The following ITGB8 variants were observed in gnomAD, a reference collection of about 807,000 sequenced individuals.
ITGB8 encodes integrin beta-8.
ITGB8 carries 30 observed loss-of-function variants against 89.5 expected under a neutral mutation model. That is an observed-to-expected ratio of 0.34 (90% confidence interval 0.25 to 0.45). The LOEUF (loss-of-function observed/expected upper bound fraction) is 0.45. Among genes scored for constraint, ITGB8 ranks in the 20% least tolerant of loss-of-function variants. The probability of loss-of-function intolerance (pLI) is 1.00; values close to 1 mark genes in which losing one functional copy is unlikely to be tolerated. For synonymous variants in ITGB8, 335 were observed against 320.4 expected (o/e 1.05, Z -0.49); for missense variants, 836 against 933.3 (o/e 0.90, Z 1.36).
Position 20,363,586 on chromosome 7 carries a change from T to C in ITGB8, c.128-51T>C, listed in dbSNP as rs781266022. The C allele has an allele frequency of 6.3e-6, 7 of 1,108,968 alleles. No homozygotes were observed. The East Asian group carries it at 7.4e-5, about 12-fold the overall frequency. 68.7% of individuals were successfully genotyped at this position (1,108,968 alleles called of 1,614,324 possible). A position where few individuals can be genotyped will look rare whatever the true frequency, so the allele number is the denominator to read the frequency against. On this transcript the variant is annotated intron_variant, in intron 1 of 13. Coordinates refer to ENST00000222573, the MANE Select transcript of ITGB8 (RefSeq NM_002214.3). ...TGTTTCATTTTAGTCTAGAATTATA[T>C]ACGCTTTCTATTTTGAGAGTAAATT...
upstream of ITGB8, among the ~76,000 whole-genome samples, chr7:20,330,167 G>C (rs1784326125): frequency 1.3e-5 from 2 of 152,354 alleles, no homozygotes; most frequent in Admixed American, 6.5e-5. Context: ...TTTGAGCAGA[G>C]AAGGAGCAGC....
intron 9 of ITGB8, among the ~76,000 whole-genome samples, chr7:20,399,281 G>A (rs186973106): frequency 6.6e-5 from 10 of 152,084 alleles, no homozygotes; most frequent in Admixed American, 3.3e-4. Context: ...CGTCATGACC[G>A]GTATAAATTA....
At chr7:20,339,528 G>A (rs1364977363) in intron 1 of ITGB8, among the ~76,000 whole-genome samples, 1 of 152,060 alleles carries the variant, frequency 6.6e-6, no homozygotes, top group Non-Finnish European at 1.5e-5. Context: ...ATCAATTCTT[G>A]CTAGGAAACT....
intron 1 of ITGB8, among the ~76,000 whole-genome samples, chr7:20,348,773 T>C (rs1785012853): frequency 6.6e-6 from 1 of 152,136 alleles, no homozygotes; most frequent in African/African-American, 2.4e-5. Flanking sequence ...TTGATAAGTG[T>C]TGCAAGATGG....
At chr7:20,394,070 A>G (rs1786973338) in intron 7 of ITGB8, among the ~76,000 whole-genome samples, 1 of 152,240 alleles carries the variant, frequency 6.6e-6, no homozygotes, top group African/African-American at 2.4e-5. Context: ...TGAATTTTTA[A>G]AATCTATAAA....
chr7:20,387,195 T>C (rs904061689), intron 6 of ITGB8, among the ~76,000 whole-genome samples: 15 of 152,204 alleles, frequency 9.9e-5, no homozygotes, highest in African/African-American at 1.9e-4. Flanking sequence ...GAAATGTAGA[T>C]ATTGCTTTAC....
intron 3 of ITGB8, among the ~76,000 whole-genome samples, chr7:20,375,551 T>G (rs1209007063): frequency 1.3e-5 from 2 of 152,210 alleles, no homozygotes; most frequent in Non-Finnish European, 2.9e-5. Context: ...TCACCAGAAT[T>G]TTGTTTTCTG....
At chr7:20,344,613 A>G (rs542831994) in intron 1 of ITGB8, among the ~76,000 whole-genome samples, 11 of 152,350 alleles carry the variant, frequency 7.2e-5, no homozygotes, top group Admixed American at 5.9e-4. Flanking sequence ...GTAGGAAACA[A>G]TAGTGCTTTG....
chr7:20,342,765 A>G (rs1784806091), intron 1 of ITGB8, among the ~76,000 whole-genome samples: 1 of 152,148 alleles, frequency 6.6e-6, no homozygotes, highest in Non-Finnish European at 1.5e-5. Flanking sequence ...CAAAGGAATC[A>G]ATGGTCACAG....
intron 3 of ITGB8, among the ~76,000 whole-genome samples, chr7:20,372,597 G>A (rs1785979381): frequency 6.6e-6 from 1 of 152,164 alleles, no homozygotes; most frequent in Admixed American, 6.6e-5. Context: ...AGATAGAAGA[G>A]AAACAGGAGA....
At chr7:20,402,229 T>C in intron 10 of ITGB8, 103 bp downstream of exon 10, 2 of 1,032,368 alleles carry the variant, frequency 1.9e-6, no homozygotes, top group Non-Finnish European at 2.7e-6. Flanking sequence ...CAAAACTGAA[T>C]CTGAATTTGT....
chr7:20,408,017 A>G (rs1787613022), intron 12 of ITGB8, among the ~76,000 whole-genome samples: 2 of 152,178 alleles, frequency 1.3e-5, no homozygotes, highest in African/African-American at 4.8e-5. Flanking sequence ...AGGCACCTCT[A>G]TTATCTATCC....
intron 1 of ITGB8, among the ~76,000 whole-genome samples, chr7:20,335,605 T>C (rs1462760854): frequency 6.6e-6 from 1 of 152,222 alleles, no homozygotes; most frequent in Admixed American, 6.5e-5. Context: ...TTTTATCTCC[T>C]ATTTTTTCTC....
chr7:20,398,824 ACT>A lies in ITGB8; in HGVS notation c.1147-32_1147-31del, dbSNP rs764097925. 1.5e-5 allele frequency: 22 copies of A among 1,456,802 alleles called. No individual in the cohort carries two copies. In the African/African-American group the frequency reaches 3.2e-4, roughly 21 times the overall value. The allele number at this position is 1,456,802 out of a possible 1,614,324, so 90.2% of individuals were successfully genotyped here. ...TGCTTTGTTGCTGACATTTGAAACT[ACT>A]CTCGTATGTAATTTAAAAATAATGT... On this transcript the variant is annotated intron_variant, in intron 8 of 13. Coordinates refer to ENST00000222573, the MANE Select transcript of ITGB8 (RefSeq NM_002214.3).
intron 6 of ITGB8, among the ~76,000 whole-genome samples, chr7:20,387,635 A>G (rs1297551183): frequency 1.3e-5 from 2 of 152,238 alleles, no homozygotes; most frequent in African/African-American, 4.8e-5. Context: ...AACTGTGGAA[A>G]GAGGGTGCTA....
chr7:20,343,762 G>A (rs1386893415), intron 1 of ITGB8, among the ~76,000 whole-genome samples: 2 of 152,114 alleles, frequency 1.3e-5, no homozygotes, highest in Non-Finnish European at 2.9e-5. Flanking sequence ...CCTATGAGCA[G>A]GTAAAAAATA....
intron 8 of ITGB8, among the ~76,000 whole-genome samples, chr7:20,398,030 A>T (rs561174192): frequency 6.6e-6 from 1 of 151,964 alleles, no homozygotes; most frequent in Admixed American, 6.6e-5. Context: ...AATAAAATGC[A>T]CACAGATCTG....
chr7:20,380,405 G>A (rs1337417675), intron 4 of ITGB8: 4 of 383,310 alleles, frequency 1.0e-5, no homozygotes, highest in Admixed American at 4.6e-5. Context: ...GCCTTTAACT[G>A]TCCTATATTA....
At chr7:20,392,547 A>G (rs1786903503) in intron 7 of ITGB8, among the ~76,000 whole-genome samples, 1 of 152,320 alleles carries the variant, frequency 6.6e-6, no homozygotes, top group South Asian at 2.1e-4. Context: ...GGGTAAATGT[A>G]TGGAGTACAA....
Sources: gnomAD v4.1 joint callset for allele counts (sites outside exome capture counted in the v4.1 genomes callset) on GRCh38, gnomAD v4.1.1 for gene constraint, MANE v1.5 for transcripts, NCBI Gene and HGNC (gene_info 2026-07-23, HGNC 2026-07-21) for gene names.